TANC2: variants seen among roughly 807,000 people sequenced by gnomAD.
TANC2 encodes tetratricopeptide repeat, ankyrin repeat and coiled-coil containing 2.
Under a neutral mutation model 210.5 loss-of-function variants are expected in TANC2, and 26 were observed. The ratio of observed to expected loss-of-function variants is 0.12; its 90% confidence interval spans 0.09 to 0.17. The LOEUF (loss-of-function observed/expected upper bound fraction) is 0.17. TANC2 is among the 10% of genes least tolerant of loss of function. The pLI, the probability that TANC2 is intolerant of heterozygous loss-of-function variation, is 1.00. For missense variants in TANC2, 2,129 were observed against 2,608.9 expected (o/e 0.82, Z 4.01); for synonymous variants, 931 against 967.1 (o/e 0.96, Z 0.69).
rs2048985649 is a variant in TANC2 at position 63,420,315 on chromosome 17, T to G, written c.4585T>G (p.Ser1529Ala). 6.2e-7 allele frequency: 1 copy of G among 1,613,726 alleles called. No homozygotes were observed. Among genetic ancestry groups the G allele is most frequent in the African/African-American group, 1.3e-5 (1 of 74,966 alleles). ...GCTCCCGGTCATCCAGAGCCCACCC[T>G]CCTCTCCCCCGCATCGGGACTCAGC... The change falls in exon 28 of 28, where the codon TCC becomes GCC. Residue 1529 changes from serine (S) to alanine (A), a missense_variant. Ser to Ala is a moderately conservative substitution (Grantham distance 99, BLOSUM62 1). This residue lies in a region of TANC2 where 584 missense variants were observed against 627.3 expected (regional missense o/e 0.93). Coordinates refer to ENST00000689528, the Ensembl canonical transcript of TANC2. The surrounding 1 kb of genome is among the most constrained non-coding windows in gnomAD (Gnocchi z 4.2).
At chr17:63,329,641 G>A (rs2045769433) in intron 11 of TANC2, among the ~76,000 whole-genome samples, 7 of 152,066 alleles carry the variant, frequency 4.6e-5, no homozygotes, top group Admixed American at 4.6e-4. Context: ...ATTTGTTATG[G>A]TAATCTGCGA....
chr17:63,285,218 C>CT lies in TANC2; in HGVS notation c.1159+17353dup, dbSNP rs958663231. ...CTAATTGAAATATTTAGATCATTTA[C>CT]TTTTTTTTAATTAGGGGAGGTTTAA... On this transcript the variant is annotated intron_variant, in intron 9 of 27. Coordinates refer to ENST00000689528, the Ensembl canonical transcript of TANC2. Among the ~76,000 whole-genome samples, 3 of 151,746 alleles carry CT rather than the reference C, an allele frequency of 2.0e-5. No homozygotes were observed. The East Asian group carries it at 5.8e-4, about 29-fold the overall frequency.
chr17:63,090,118 A>T (rs1384766096), intron 3 of TANC2, among the ~76,000 whole-genome samples: 3 of 151,976 alleles, frequency 2.0e-5, no homozygotes, highest in African/African-American at 7.2e-5. Context: ...GCAACGACTT[A>T]AGTGTTTTCT....
intron 1 of TANC2, among the ~76,000 whole-genome samples, chr17:62,981,679 A>G (rs1598183572): frequency 6.6e-6 from 1 of 152,148 alleles, no homozygotes; most frequent in East Asian, 1.9e-4. Flanking sequence ...CCGTAAGACT[A>G]CTCTTCAAAC....
intron 14 of TANC2, among the ~76,000 whole-genome samples, chr17:63,361,484 T>C (rs1391731295): frequency 1.3e-5 from 2 of 152,222 alleles, no homozygotes; most frequent in Non-Finnish European, 2.9e-5. Context: ...GCCAGCTGCA[T>C]GTGAGGCTGC....
At chr17:63,042,583 T>C (rs2035231366) in intron 2 of TANC2, among the ~76,000 whole-genome samples, 1 of 152,140 alleles carries the variant, frequency 6.6e-6, no homozygotes, top group South Asian at 2.1e-4. Context: ...ATAAGCTGTT[T>C]TTGACAATAA....
At chr17:63,069,899 C>T (rs1440149155) in intron 2 of TANC2, among the ~76,000 whole-genome samples, 1 of 151,988 alleles carries the variant, frequency 6.6e-6, no homozygotes, top group Non-Finnish European at 1.5e-5. Context: ...TTCTGTTTTG[C>T]CTGGGTCTGT....
chr17:63,115,716 A>G (rs1285475897), intron 4 of TANC2, among the ~76,000 whole-genome samples: 1 of 152,228 alleles, frequency 6.6e-6, no homozygotes, highest in African/African-American at 2.4e-5. Context: ...ATACTATTAA[A>G]AAAGATAATA....
At chr17:63,216,040 C>T (rs904888580) in intron 7 of TANC2, among the ~76,000 whole-genome samples, 10 of 151,712 alleles carry the variant, frequency 6.6e-5, no homozygotes, top group Non-Finnish European at 1.2e-4. Context: ...CATGAGCCAC[C>T]GCTCCTGGCC....
At chr17:63,313,093 TATG>T (rs2045185400) in intron 9 of TANC2, among the ~76,000 whole-genome samples, 3 of 152,208 alleles carry the variant, frequency 2.0e-5, no homozygotes, top group Admixed American at 6.5e-5. Context: ...TAGAGTAACG[TATG>T]AAGTATAAAT....
At chr17:63,407,304 G>A (rs2048542975) in intron 21 of TANC2, among the ~76,000 whole-genome samples, 1 of 152,134 alleles carries the variant, frequency 6.6e-6, no homozygotes. Context: ...AAGAAATTTG[G>A]CTTCATGCTC....
chr17:63,079,697 A>G (rs998016177), intron 3 of TANC2, among the ~76,000 whole-genome samples: 7 of 152,058 alleles, frequency 4.6e-5, no homozygotes, highest in Non-Finnish European at 8.8e-5. Context: ...TACAGTTTCT[A>G]TTTCATGTTT....
intron 2 of TANC2, among the ~76,000 whole-genome samples, chr17:63,030,989 A>G (rs1001338716): frequency 2.0e-5 from 3 of 152,144 alleles, no homozygotes; most frequent in Non-Finnish European, 2.9e-5. Context: ...CTGTTGTAGT[A>G]TAAATTAATC....
chr17:63,299,240 C>T (rs1359155787), intron 9 of TANC2, among the ~76,000 whole-genome samples: 1 of 152,116 alleles, frequency 6.6e-6, no homozygotes, highest in Non-Finnish European at 1.5e-5. Flanking sequence ...CATATGTGTG[C>T]ATGTGTCTTT....
intron 4 of TANC2, among the ~76,000 whole-genome samples, chr17:63,109,133 G>C (rs941472852): frequency 6.6e-6 from 1 of 151,510 alleles, no homozygotes; most frequent in Non-Finnish European, 1.5e-5. Flanking sequence ...ACTTTTATTA[G>C]AAAACAAGAA....
At chr17:63,427,003 G>T (rs890727531) in exon 28 of TANC2, 2 of 151,872 alleles carry the variant, frequency 1.3e-5, no homozygotes, top group Non-Finnish European at 2.9e-5. Flanking sequence ...AAGAGATGCC[G>T]GCTCCAGATC....
At chr17:63,202,822 C>G (rs1298877198) in intron 7 of TANC2, among the ~76,000 whole-genome samples, 2 of 151,928 alleles carry the variant, frequency 1.3e-5, no homozygotes, top group African/African-American at 4.8e-5. Flanking sequence ...TATATAAGTC[C>G]TTGAATATTA....
chr17:63,292,849 C>A (rs1007888013), intron 9 of TANC2, among the ~76,000 whole-genome samples: 2 of 152,122 alleles, frequency 1.3e-5, no homozygotes, highest in African/African-American at 4.8e-5. Context: ...CTATTTTAAA[C>A]ATGAGGAAAC....
chr17:63,021,402 T>G (rs2034341965), intron 2 of TANC2, among the ~76,000 whole-genome samples: 1 of 152,214 alleles, frequency 6.6e-6, no homozygotes, highest in Non-Finnish European at 1.5e-5. Context: ...CTTGTGAGAC[T>G]GCATTAGCTT....
Sources: allele counts gnomAD v4.1 joint callset (sites outside exome capture counted in the v4.1 genomes callset), GRCh38; gene constraint gnomAD v4.1.1; regional missense constraint gnomAD v4.1.1; non-coding constraint Gnocchi (gnomAD v3.1); transcripts MANE v1.5; gene names NCBI Gene and HGNC (gene_info 2026-07-23, HGNC 2026-07-21).